The following C21orf91 variants were observed in gnomAD, a reference collection of about 807,000 sequenced individuals.
The protein encoded by C21orf91 is protein EURL homolog.
A neutral mutation model predicts 32.9 loss-of-function variants in C21orf91; 26 were observed. That is an observed-to-expected ratio of 0.79 (90% confidence interval 0.58 to 1.10). C21orf91 has a LOEUF of 1.10. Ranked by LOEUF, C21orf91 falls within the 50% of genes least tolerant of loss-of-function variation. The pLI, the probability that C21orf91 is intolerant of heterozygous loss-of-function variation, is 0.00. For synonymous variants in C21orf91, 126 were observed against 120.4 expected (o/e 1.05, Z -0.31); for missense variants, 310 against 341.3 (o/e 0.91, Z 0.72).
At position 17,792,837 on chromosome 21, in the gene C21orf91, C is replaced by A. The variant is rs1239330577; in HGVS notation, c.*578G>T. 1 of 152,500 alleles carries A rather than the reference C, an allele frequency of 6.6e-6. No individual in the cohort carries two copies. Among genetic ancestry groups the A allele is most frequent in the Non-Finnish European group, 1.5e-5 (1 of 67,992 alleles). 9.4% of individuals were successfully genotyped at this position (152,500 alleles called of 1,614,324 possible). A position where few individuals can be genotyped will look rare whatever the true frequency, so the allele number is the denominator to read the frequency against. On this transcript the variant is annotated 3_prime_UTR_variant, in exon 5 of 5. Coordinates refer to ENST00000284881, the MANE Select transcript of C21orf91 (RefSeq NM_001100420.2). Reference sequence around the variant, plus strand: ...CCAAAATATATTTATCTTTGGAAAGCAAGGTAACCGTTGTGAAAACATTGT... The same window carrying A: ...CCAAAATATATTTATCTTTGGAAAGAAAGGTAACCGTTGTGAAAACATTGT...
At chr21:17,801,470 C>T (rs1473725238) in intron 2 of C21orf91, among the ~76,000 whole-genome samples, 2 of 152,066 alleles carry the variant, frequency 1.3e-5, no homozygotes, top group East Asian at 3.9e-4. Context: ...CGGGGTTTCA[C>T]CGTGTTAGCC....
intron 2 of C21orf91, among the ~76,000 whole-genome samples, chr21:17,802,121 A>C (rs1417932679): frequency 6.6e-6 from 1 of 152,180 alleles, no homozygotes; most frequent in African/African-American, 2.4e-5. Context: ...AAAAGTGCAA[A>C]GACTACTCAA....
chr21:17,804,725 T>A (rs1354450223), intron 2 of C21orf91, among the ~76,000 whole-genome samples: 1 of 152,210 alleles, frequency 6.6e-6, no homozygotes, highest in Non-Finnish European at 1.5e-5. Flanking sequence ...TTAAAACAGT[T>A]AATCAAAGCA....
At chr21:17,815,270 C>T (rs1168287155) in intron 2 of C21orf91, among the ~76,000 whole-genome samples, 1 of 152,092 alleles carries the variant, frequency 6.6e-6, no homozygotes, top group African/African-American at 2.4e-5. Flanking sequence ...TGTTATTATT[C>T]CTCAAGAGAA....
At chr21:17,813,280 A>G (rs931678227) in intron 2 of C21orf91, among the ~76,000 whole-genome samples, 11 of 152,210 alleles carry the variant, frequency 7.2e-5, no homozygotes, top group African/African-American at 2.7e-4. Context: ...CGAGTAATAA[A>G]CAACCAGTTC....
In C21orf91 at chr21:17,789,345, T is replaced by C. The variant is rs1311776098; in HGVS notation, c.*4070A>G. 1 of 151,822 alleles carries C rather than the reference T, an allele frequency of 6.6e-6. No homozygotes were observed. The highest frequency in any genetic ancestry group is 1.5e-5 in the Non-Finnish European group (1 of 67,974). The allele number at this position is 151,822 out of a possible 1,614,324, so 9.4% of individuals were successfully genotyped here. A position where few individuals can be genotyped will look rare whatever the true frequency, so the allele number is the denominator to read the frequency against. On this transcript the variant is annotated 3_prime_UTR_variant, in exon 5 of 5. Transcript: ENST00000284881. ...CTTTCTAAATTGCCTCTTTTGGAGG[T>C]ACGGTGAAAGAAAAACATTCTAGAT...
chr21:17,801,491 C>T (rs577863909), intron 2 of C21orf91, among the ~76,000 whole-genome samples: 35 of 152,012 alleles, frequency 2.3e-4, no homozygotes, highest in African/African-American at 7.2e-4. Context: ...AGGATGGTCT[C>T]GATCTCCTGA....
chr21:17,805,401 C>T (rs1432335787), intron 2 of C21orf91, among the ~76,000 whole-genome samples: 1 of 152,182 alleles, frequency 6.6e-6, no homozygotes, highest in African/African-American at 2.4e-5. Flanking sequence ...GCAACCTCTG[C>T]CTCCCAGGTT....
Position 17,790,401 on chromosome 21 carries a change from T to C in C21orf91, c.*3014A>G, listed in dbSNP as rs1243321094. 6.6e-6 allele frequency: 1 copy of C among 152,020 alleles called. No individual in the cohort carries two copies. Among genetic ancestry groups the C allele is most frequent in the African/African-American group, 2.4e-5 (1 of 41,402 alleles). 9.4% of individuals were successfully genotyped at this position (152,020 alleles called of 1,614,324 possible). A position where few individuals can be genotyped will look rare whatever the true frequency, so the allele number is the denominator to read the frequency against. On this transcript the variant is annotated 3_prime_UTR_variant, in exon 5 of 5. Coordinates refer to ENST00000284881, the MANE Select transcript of C21orf91 (RefSeq NM_001100420.2). ...CAACATAAAGAAAACACAAAACCAT[T>C]TTCAGTCATAAATATAGTAAAATGA...
chr21:17,809,076 C>A, intron 2 of C21orf91: 1 of 154,770 alleles, frequency 6.5e-6, no homozygotes, highest in South Asian at 1.9e-4. Flanking sequence ...TGCGGCCTCC[C>A]CAGCCACGCT....
rs537299945 is a variant in C21orf91, at chr21:17,805,458, C to T, written c.128-8340G>A. Among the ~76,000 whole-genome samples, 199 of 152,174 alleles carry T rather than the reference C, an allele frequency of 1.3e-3. 1 individual carries two copies. The highest frequency in any genetic ancestry group is 4.5e-3 in the African/African-American group (188 of 41,494). The stretch of plus-strand genomic sequence containing the variant: ...CCTCCCGGGTAGCCAGGATTACAGG[C>T]GCCTACCACCACACCTGGGTAGTTT... On this transcript the variant is annotated intron_variant, in intron 2 of 4. Coordinates refer to ENST00000284881, the MANE Select transcript of C21orf91 (RefSeq NM_001100420.2).
Position 17,792,392 on chromosome 21 carries a change from T to C in C21orf91, c.*1023A>G, listed in dbSNP as rs1209237331. On this transcript the variant is annotated 3_prime_UTR_variant, in exon 5 of 5. Coordinates refer to ENST00000284881, the MANE Select transcript of C21orf91 (RefSeq NM_001100420.2). ...ACCTCACAATGCTTTCTTTGAGCACTAAGTTCAATGATGGTGATAATACAA... is the reference window on the plus strand; with the variant it reads ...ACCTCACAATGCTTTCTTTGAGCACCAAGTTCAATGATGGTGATAATACAA... The C allele has an allele frequency of 6.6e-6, 1 of 152,184 alleles. No individual in the cohort carries two copies. The highest frequency in any genetic ancestry group is 2.4e-5 in the African/African-American group (1 of 41,466). 9.4% of individuals were successfully genotyped at this position (152,184 alleles called of 1,614,324 possible).
intron 2 of C21orf91, among the ~76,000 whole-genome samples, chr21:17,805,842 T>C (rs1753693229): frequency 6.6e-6 from 1 of 152,202 alleles, no homozygotes; most frequent in Non-Finnish European, 1.5e-5. Flanking sequence ...TAAAAAAATT[T>C]TTCTGCATAA....
At chr21:17,794,921 C>T (rs1438376523) in intron 4 of C21orf91, among the ~76,000 whole-genome samples, 1 of 149,940 alleles carries the variant, frequency 6.7e-6, no homozygotes, top group Non-Finnish European at 1.5e-5. Context: ...AGAAAATTAG[C>T]TGGGTGTAAT....
intron 2 of C21orf91, among the ~76,000 whole-genome samples, chr21:17,797,691 C>T (rs889202970): frequency 7.9e-5 from 12 of 151,466 alleles, no homozygotes; most frequent in African/African-American, 2.9e-4. Context: ...TTTCACATTT[C>T]CATTTTATAG....
intron 2 of C21orf91, among the ~76,000 whole-genome samples, chr21:17,797,804 CA>C (rs1219485753): frequency 3.9e-5 from 6 of 151,924 alleles, no homozygotes; most frequent in Non-Finnish European, 7.4e-5. Flanking sequence ...ATCCAACAGC[CA>C]GTAATTCCTC....
Position 17,789,694 on chromosome 21 carries a change from G to A in C21orf91, c.*3721C>T, listed in dbSNP as rs560604333. 4.7e-4 allele frequency: 72 copies of A among 152,144 alleles called. No individual in the cohort carries two copies. The highest frequency in any genetic ancestry group is 1.7e-3 in the African/African-American group (72 of 41,522). The allele number at this position is 152,144 out of a possible 1,614,324, so 9.4% of individuals were successfully genotyped here. ...ATAGGTTAGACTGCACCATAATCAAGGCAATTATGAAAGGATGAAGTGAAA... is the reference window on the plus strand; with the variant it reads ...ATAGGTTAGACTGCACCATAATCAAAGCAATTATGAAAGGATGAAGTGAAA... On this transcript the variant is annotated 3_prime_UTR_variant, in exon 5 of 5. Transcript: ENST00000284881.
chr21:17,794,231 T>C (rs1045013476), intron 4 of C21orf91, among the ~76,000 whole-genome samples: 4 of 152,234 alleles, frequency 2.6e-5, no homozygotes, highest in African/African-American at 9.7e-5. Flanking sequence ...ACTGATTGGA[T>C]GCATGATCTC....
At chr21:17,798,518 G>A (rs1044681201) in intron 2 of C21orf91, among the ~76,000 whole-genome samples, 1 of 152,114 alleles carries the variant, frequency 6.6e-6, no homozygotes, top group Non-Finnish European at 1.5e-5. Flanking sequence ...AAATATCTGA[G>A]CCTTGTTTTT....
Sources: gnomAD v4.1 joint callset for allele counts (sites outside exome capture counted in the v4.1 genomes callset) on GRCh38, gnomAD v4.1.1 for gene constraint, MANE v1.5 for transcripts, NCBI Gene and HGNC (gene_info 2026-07-23, HGNC 2026-07-21) for gene names.